The following AMPH variants were observed in gnomAD, a reference collection of about 807,000 sequenced individuals.
AMPH encodes amphiphysin (Stiff-Mann syndrome with breast cancer 128kD autoantigen).
AMPH carries 49 observed loss-of-function variants against 99.1 expected under a neutral mutation model. The observed-to-expected ratio is 0.49, with a 90% CI of 0.39 to 0.63. The LOEUF is 0.63. Ranked by LOEUF, AMPH falls within the 20% of genes least tolerant of loss-of-function variation. The pLI is 0.00. For synonymous variants in AMPH, 314 were observed against 317.3 expected (o/e 0.99, Z 0.11); for missense variants, 759 against 863.4 (o/e 0.88, Z 1.52).
At chr7:38,418,714 A>G (rs1785480486) in intron 16 of AMPH, among the ~76,000 whole-genome samples, 1 of 152,198 alleles carries the variant, frequency 6.6e-6, no homozygotes, top group South Asian at 2.1e-4. Context: ...ATAGTTGTTT[A>G]AAGAACCACA....
At chr7:38,441,860 CAT>C (rs1313066439) in intron 11 of AMPH, among the ~76,000 whole-genome samples, 4 of 89,234 alleles carry the variant, frequency 4.5e-5, no homozygotes, top group South Asian at 4.2e-4. Context: ...TCATATATAT[CAT>C]ATATATCATA....
chr7:38,426,644 CGGTAGAA>C (rs1463439313), intron 15 of AMPH, among the ~76,000 whole-genome samples: 1 of 152,116 alleles, frequency 6.6e-6, no homozygotes, highest in Non-Finnish European at 1.5e-5. Flanking sequence ...GTAGAGGAAT[CGGTAGAA>C]GGTAGAAGCC....
At chr7:38,441,790 C>CATATATCTG (rs1554336878) in intron 11 of AMPH, among the ~76,000 whole-genome samples, 1 of 71,994 alleles carries the variant, frequency 1.4e-5, no homozygotes, top group Non-Finnish European at 2.8e-5. Flanking sequence ...ATATATCTGT[C>CATATATCTG]ATATATATCA....
At chr7:38,557,208 A>G (rs1289358675) in intron 1 of AMPH, among the ~76,000 whole-genome samples, 1 of 152,138 alleles carries the variant, frequency 6.6e-6, no homozygotes, top group Non-Finnish European at 1.5e-5. Context: ...TCCCACAACT[A>G]CTTAAACTAC....
intron 15 of AMPH, among the ~76,000 whole-genome samples, chr7:38,425,169 T>C (rs1253815285): frequency 6.6e-6 from 1 of 151,938 alleles, no homozygotes; most frequent in South Asian, 2.1e-4. Flanking sequence ...ATGAGAAAAC[T>C]TGCATCAGAA....
At chr7:38,487,789 A>G (rs1788562329) in intron 5 of AMPH, among the ~76,000 whole-genome samples, 1 of 152,202 alleles carries the variant, frequency 6.6e-6, no homozygotes, top group Admixed American at 6.5e-5. Context: ...CAAAGGGCTA[A>G]TATCCAGAAT....
intron 1 of AMPH, among the ~76,000 whole-genome samples, chr7:38,539,469 T>C (rs1342542189): frequency 1.3e-5 from 2 of 151,820 alleles, no homozygotes; most frequent in Non-Finnish European, 2.9e-5. Flanking sequence ...GTAAGAAAAG[T>C]TTCAAAGGGG....
intron 20 of AMPH, among the ~76,000 whole-genome samples, chr7:38,386,113 A>C (rs1256711679): frequency 6.7e-6 from 1 of 149,004 alleles, no homozygotes; most frequent in African/African-American, 2.5e-5. Flanking sequence ...AGACAGCCCA[A>C]TTTTTGAAGG....
chr7:38,489,009 G>A (rs1471413366), intron 5 of AMPH, among the ~76,000 whole-genome samples: 1 of 151,788 alleles, frequency 6.6e-6, no homozygotes, highest in Non-Finnish European at 1.5e-5. Context: ...AAATTCACAT[G>A]GAAGCACAAA....
chr7:38,463,245 T>C (rs1787525862), intron 9 of AMPH, 132 bp from the exon 10 acceptor site: 1 of 1,162,558 alleles, frequency 8.6e-7, no homozygotes, highest in African/African-American at 1.5e-5. Context: ...CCTTCCAGGT[T>C]AATTCTGGTT....
At chr7:38,409,542 C>T (rs568435250) in intron 17 of AMPH, among the ~76,000 whole-genome samples, 5 of 152,338 alleles carry the variant, frequency 3.3e-5, no homozygotes, top group South Asian at 2.1e-4. Context: ...CCTTTCAAAG[C>T]TGGCACTTGA....
chr7:38,439,132 GC>G (rs1441732837), intron 11 of AMPH, among the ~76,000 whole-genome samples: 1 of 152,178 alleles, frequency 6.6e-6, no homozygotes, highest in Non-Finnish European at 1.5e-5. Flanking sequence ...TTTAAGATGT[GC>G]CTTGCTTCCC....
At position 38,446,592 on chromosome 7, in the gene AMPH, G is replaced by A. The variant is rs79158076; in HGVS notation, c.1018-10204C>T. Among the ~76,000 whole-genome samples, 1,421 of 152,310 alleles carry A rather than the reference G, an allele frequency of 9.3e-3. 21 individuals are homozygous for A. The highest frequency in any genetic ancestry group is 0.024 in the Middle Eastern group (7 of 294). Reference sequence around the variant, plus strand: ...AACTAATGTATAGCAACAGAAAGATGAGTGTTTGCCTAGAGATGCTGGCGC... The same window carrying A: ...AACTAATGTATAGCAACAGAAAGATAAGTGTTTGCCTAGAGATGCTGGCGC... On this transcript the variant is annotated intron_variant, in intron 11 of 20. Coordinates refer to ENST00000356264, the MANE Select transcript of AMPH (RefSeq NM_001635.4).
chr7:38,613,489 T>A (rs1793757047), intron 1 of AMPH, among the ~76,000 whole-genome samples: 1 of 152,058 alleles, frequency 6.6e-6, no homozygotes, highest in Non-Finnish European at 1.5e-5. Context: ...ACTAAAGAGA[T>A]CAATCTTTTT....
chr7:38,466,628 C>T (rs1057093871), intron 7 of AMPH, among the ~76,000 whole-genome samples: 15 of 151,938 alleles, frequency 9.9e-5, no homozygotes, highest in Admixed American at 1.3e-4. Context: ...TCAGAGACAA[C>T]GCTTATGGAA....
intron 17 of AMPH, among the ~76,000 whole-genome samples, chr7:38,403,442 A>C (rs1470910632): frequency 1.3e-5 from 2 of 152,194 alleles, no homozygotes; most frequent in Non-Finnish European, 2.9e-5. Flanking sequence ...CTCCAGGTGC[A>C]CTCGGACTCC....
At chr7:38,600,557 T>C (rs902436676) in intron 1 of AMPH, among the ~76,000 whole-genome samples, 1 of 152,382 alleles carries the variant, frequency 6.6e-6, no homozygotes, top group South Asian at 2.1e-4. Context: ...AGATTATTAC[T>C]TACTGATTGG....
chr7:38,470,548 T>A (rs955016054), intron 7 of AMPH, among the ~76,000 whole-genome samples: 4 of 152,148 alleles, frequency 2.6e-5, no homozygotes, highest in Non-Finnish European at 5.9e-5. Context: ...TCTGATTAAT[T>A]TTTGGAAGGC....
At chr7:38,421,237 C>T (rs1785570279) in intron 16 of AMPH, among the ~76,000 whole-genome samples, 1 of 152,202 alleles carries the variant, frequency 6.6e-6, no homozygotes, top group South Asian at 2.1e-4. Flanking sequence ...TCTTTTGCAT[C>T]CGTGTAGTAG....
Sources: gnomAD v4.1 joint callset for allele counts (sites outside exome capture counted in the v4.1 genomes callset) on GRCh38, gnomAD v4.1.1 for gene constraint, MANE v1.5 for transcripts, NCBI Gene and HGNC (gene_info 2026-07-23, HGNC 2026-07-21) for gene names.